RBFOX1: variants seen among roughly 807,000 people sequenced by gnomAD.
RBFOX1 encodes the protein RNA binding protein fox-1 homolog 1.
RBFOX1 carries 8 observed loss-of-function variants against 57.7 expected under a neutral mutation model. That is an observed-to-expected ratio of 0.14 (90% CI 0.08 to 0.25). RBFOX1 has a LOEUF of 0.25. Among genes scored for constraint, RBFOX1 ranks in the 10% least tolerant of loss-of-function variants. The probability of loss-of-function intolerance (pLI) is 1.00; values close to 1 mark genes in which losing one functional copy is unlikely to be tolerated. For missense variants in RBFOX1, 611 were observed against 548.5 expected, an observed-to-expected ratio of 1.11 and a Z score of -1.14; for synonymous variants, 326 against 222.4, an observed-to-expected ratio of 1.47 and a Z score of -4.15.
chr16:5,959,237 A>G (rs1272278818), intron 4 of RBFOX1, among the ~76,000 whole-genome samples: 5 of 152,166 alleles, frequency 3.3e-5, no homozygotes, highest in Non-Finnish European at 5.9e-5. Flanking sequence ...TCACAGAGGG[A>G]ACTCTTGCAT....
At chr16:6,683,242 A>C (rs2058938238) in intron 3 of RBFOX1, among the ~76,000 whole-genome samples, 1 of 152,230 alleles carries the variant, frequency 6.6e-6, no homozygotes, top group African/African-American at 2.4e-5. Flanking sequence ...AAAGACAAAA[A>C]GGACATAGTT....
chr16:6,976,303 C>G (rs2086830787), intron 3 of RBFOX1, among the ~76,000 whole-genome samples: 1 of 152,140 alleles, frequency 6.6e-6, no homozygotes. Context: ...CACAGGCATT[C>G]TGGCTTTAGA....
intron 4 of RBFOX1, among the ~76,000 whole-genome samples, chr16:6,000,851 G>T (rs2060586988): frequency 7.1e-6 from 1 of 140,154 alleles, no homozygotes. Flanking sequence ...GTAGGTGGGT[G>T]GACAGGTAGG....
intron 2 of RBFOX1, among the ~76,000 whole-genome samples, chr16:6,649,465 C>A (rs891564731): frequency 6.6e-6 from 1 of 152,164 alleles, no homozygotes; most frequent in African/African-American, 2.4e-5. Flanking sequence ...GCACCCATCA[C>A]CCAAGCAGTG....
chr16:7,063,990 C>G (rs2055273218), intron 4 of RBFOX1, among the ~76,000 whole-genome samples: 1 of 152,080 alleles, frequency 6.6e-6, no homozygotes, highest in Non-Finnish European at 1.5e-5. Flanking sequence ...AACAACTATA[C>G]TAAATTATCA....
chr16:6,381,192 A>G (rs766307936), intron 2 of RBFOX1, among the ~76,000 whole-genome samples: 2 of 152,154 alleles, frequency 1.3e-5, no homozygotes, highest in Non-Finnish European at 2.9e-5. Flanking sequence ...TTTTATTTTT[A>G]TAGATTTAAG....
At chr16:5,928,395 T>C (rs2058978483) in intron 4 of RBFOX1, among the ~76,000 whole-genome samples, 1 of 151,270 alleles carries the variant, frequency 6.6e-6, no homozygotes, top group African/African-American at 2.4e-5. Context: ...GCATAGATTT[T>C]AAATGTTCTC....
intron 7 of RBFOX1, among the ~76,000 whole-genome samples, chr16:7,590,472 T>G (rs1413214728): frequency 6.6e-6 from 1 of 152,162 alleles, no homozygotes; most frequent in Non-Finnish European, 1.5e-5. Context: ...TAATTTATTT[T>G]TCCTTTTTAC....
At chr16:7,545,892 G>A (rs1477562858) in intron 5 of RBFOX1, among the ~76,000 whole-genome samples, 2 of 151,816 alleles carry the variant, frequency 1.3e-5, no homozygotes, top group Non-Finnish European at 2.9e-5. Flanking sequence ...TGCTGGTCCT[G>A]CCTACCTGAC....
chr16:5,653,637 C>T (rs529328182), intron 3 of RBFOX1, among the ~76,000 whole-genome samples: 2 of 152,284 alleles, frequency 1.3e-5, no homozygotes, highest in East Asian at 3.9e-4. Context: ...GCCTGTTCTG[C>T]CGCATGTGCA....
At chr16:7,120,626 C>G (rs1190850822) in intron 4 of RBFOX1, among the ~76,000 whole-genome samples, 2 of 150,882 alleles carry the variant, frequency 1.3e-5, no homozygotes, top group African/African-American at 2.4e-5. Flanking sequence ...TTTAAAATAT[C>G]CTGCCAAAAT....
rs554241730 is a variant in RBFOX1 at position 5,820,111 on chromosome 16, A to G, written c.319-47192A>G. ...CTATAAATGCACTTTTGCATTAAATATTTCTACCACCTCTAGGAAGTGGTT... is the reference window on the plus strand; with the variant it reads ...CTATAAATGCACTTTTGCATTAAATGTTTCTACCACCTCTAGGAAGTGGTT... On this transcript the variant is annotated intron_variant, in intron 3 of 19. Transcript: ENST00000641259. Among the ~76,000 whole-genome samples, 6 of 152,304 alleles carry G rather than the reference A, an allele frequency of 3.9e-5. No individual in the cohort carries two copies. The South Asian group carries it at 1.2e-3, about 32-fold the overall frequency.
intron 4 of RBFOX1, among the ~76,000 whole-genome samples, chr16:7,399,196 C>T (rs1328479736): frequency 6.6e-6 from 1 of 152,160 alleles, no homozygotes; most frequent in Non-Finnish European, 1.5e-5. Flanking sequence ...GCCTGTTATC[C>T]CAACATTTTG....
intron 4 of RBFOX1, among the ~76,000 whole-genome samples, chr16:7,370,461 G>A (rs752271070): frequency 4.6e-5 from 7 of 152,096 alleles, no homozygotes; most frequent in Non-Finnish European, 7.4e-5. Context: ...CAATCAAAGC[G>A]ATCTTTGTTT....
intron 3 of RBFOX1, among the ~76,000 whole-genome samples, chr16:7,044,467 C>T (rs1014194103): frequency 2.0e-5 from 3 of 152,224 alleles, no homozygotes; most frequent in East Asian, 3.9e-4. Context: ...AGATAGGAGA[C>T]GGGGAAGATG....
At chr16:5,577,861 GC>G (rs1239028013) in intron 2 of RBFOX1, among the ~76,000 whole-genome samples, 2 of 152,216 alleles carry the variant, frequency 1.3e-5, no homozygotes, top group African/African-American at 4.8e-5. Context: ...TTCTTTTGGT[GC>G]AGCCTAATAT....
At chr16:7,382,239 C>A (rs528976361) in intron 4 of RBFOX1, among the ~76,000 whole-genome samples, 8 of 152,190 alleles carry the variant, frequency 5.3e-5, no homozygotes, top group Non-Finnish European at 1.0e-4. Context: ...TATCTGGACT[C>A]ATTATTCTCA....
intron 3 of RBFOX1, among the ~76,000 whole-genome samples, chr16:6,941,251 C>G (rs1299158852): frequency 9.1e-6 from 1 of 110,308 alleles, no homozygotes; most frequent in South Asian, 3.9e-4. Context: ...CCCTCCCATT[C>G]CCTCCCTCCC....
chr16:5,319,435 C>G (rs753418738), intron 1 of RBFOX1, among the ~76,000 whole-genome samples: 54 of 152,186 alleles, frequency 3.5e-4, no homozygotes, highest in Non-Finnish European at 6.5e-4. Flanking sequence ...TCATTCCCTT[C>G]TTTTCCAGCC....
Sources: allele counts gnomAD v4.1 joint callset (sites outside exome capture counted in the v4.1 genomes callset), GRCh38; gene constraint gnomAD v4.1.1; transcripts MANE v1.5; gene names NCBI Gene and HGNC (gene_info 2026-07-23, HGNC 2026-07-21).